The following ADPRHL1 variants were observed in gnomAD, a reference collection of about 807,000 sequenced individuals.
ADPRHL1 encodes inactive ADP-ribosyltransferase ARH2.
ADPRHL1 carries 43 observed loss-of-function variants against 44.1 expected under a neutral mutation model. That is an observed-to-expected ratio of 0.98 (90% CI 0.76 to 1.26). ADPRHL1 has a LOEUF of 1.26. Among genes scored for constraint, ADPRHL1 ranks in the 50% most tolerant of loss-of-function variants. The probability of loss-of-function intolerance (pLI) is 0.00; values close to 1 mark genes in which losing one functional copy is unlikely to be tolerated. For synonymous variants in ADPRHL1, 878 were observed against 1,017.4 expected (o/e 0.86, Z 2.61); for missense variants, 2,022 against 2,496.9 (o/e 0.81, Z 4.05).
intron 2 of ADPRHL1, among the ~76,000 whole-genome samples, chr13:113,438,689 A>T (rs2044077940): frequency 1.3e-5 from 2 of 152,106 alleles, no homozygotes; most frequent in Admixed American, 6.6e-5. Context: ...CTCAAAAAAA[A>T]AATTTCTTTT....
rs79419897 is a variant in ADPRHL1 at position 113,442,672 on chromosome 13, C to G, written c.379+1753G>C. ...AGCAATCTAACTACTGTGTGCCTTG[C>G]TGTCATTTTCTTCATGTTTCTTGTG... On this transcript the variant is annotated intron_variant, in intron 2 of 7. Transcript: ENST00000612156. Among the ~76,000 whole-genome samples, 111 of 152,234 alleles carry G rather than the reference C, an allele frequency of 7.3e-4. 1 individual carries two copies. In the East Asian group the frequency reaches 0.019, roughly 26 times the overall value.
intron 6 of ADPRHL1, among the ~76,000 whole-genome samples, chr13:113,423,956 T>C (rs1231263818): frequency 1.3e-5 from 2 of 152,206 alleles, no homozygotes; most frequent in Non-Finnish European, 2.9e-5. Flanking sequence ...TGAGAGACTC[T>C]TGGTCTGCTG....
intron 1 of ADPRHL1, among the ~76,000 whole-genome samples, chr13:113,446,369 A>G (rs1387472017): frequency 2.8e-4 from 42 of 152,108 alleles, no homozygotes. Flanking sequence ...CCCCCGGAGA[A>G]GTGCTCAGGA....
chr13:113,424,153 A>AG, intron 6 of ADPRHL1, 64 bp downstream of exon 6: 1 of 1,597,076 alleles, frequency 6.3e-7, no homozygotes, highest in Middle Eastern at 1.7e-4. Flanking sequence ...GGACACTCCG[A>AG]GGGGGTGCTT....
intron 1 of ADPRHL1, among the ~76,000 whole-genome samples, chr13:113,451,054 C>T (rs1056098552): frequency 4.6e-5 from 7 of 152,210 alleles, no homozygotes; most frequent in South Asian, 2.1e-4. Flanking sequence ...TCTTCCCAGA[C>T]GCTGGCGTCA....
At chr13:113,423,064 G>A (rs2043938511) in intron 6 of ADPRHL1, 85 bp from the exon 7 acceptor site, 2 of 1,566,160 alleles carry the variant, frequency 1.3e-6, no homozygotes, top group Non-Finnish European at 1.7e-6. Flanking sequence ...CCCTAAGGTG[G>A]GCCAAACCCC....
intron 7 of ADPRHL1, among the ~76,000 whole-genome samples, chr13:113,420,649 G>C (rs1228911007): frequency 6.6e-6 from 1 of 152,024 alleles, no homozygotes; most frequent in Non-Finnish European, 1.5e-5. Flanking sequence ...CCGTGTGCCT[G>C]TCTCTCTGGT....
chr13:113,446,429 A>G (rs1260932559), intron 1 of ADPRHL1, among the ~76,000 whole-genome samples: 2 of 152,194 alleles, frequency 1.3e-5, no homozygotes, highest in East Asian at 3.9e-4. Context: ...GACCCGGCCC[A>G]GCAGAGGCCT....
Position 113,407,084 on chromosome 13 carries a change from CA to C in ADPRHL1, c.2197del (p.Trp733GlyfsTer26). Reference sequence around the variant, plus strand: ...ATCACCTCCGGCTGATCCGGTGCCCCAAGGGCTGGCCGGTCCCAGTGGGGAT... The same window carrying C: ...ATCACCTCCGGCTGATCCGGTGCCCCAGGGCTGGCCGGTCCCAGTGGGGAT... ...ASSPLGPASP[W>X]GTGSAGGDGT... On this transcript the variant is annotated frameshift_variant, in exon 8 of 8. Transcript: ENST00000612156. LOFTEE classifies it low-confidence loss of function (END_TRUNC). 1 of 1,232,300 alleles carries C rather than the reference CA, an allele frequency of 8.1e-7. No homozygotes were observed. Among genetic ancestry groups the C allele is most frequent in the East Asian group, 3.2e-5 (1 of 31,696 alleles). 76.3% of individuals were successfully genotyped at this position (1,232,300 alleles called of 1,614,324 possible).
At chr13:113,446,760 C>T (rs1374843252) in intron 1 of ADPRHL1, among the ~76,000 whole-genome samples, 1 of 151,980 alleles carries the variant, frequency 6.6e-6, no homozygotes, top group Admixed American at 6.5e-5. Context: ...TGTTTACATG[C>T]ACCGTGTTGT....
At chr13:113,412,654 G>A (rs531817728) in intron 7 of ADPRHL1, among the ~76,000 whole-genome samples, 2 of 152,314 alleles carry the variant, frequency 1.3e-5, no homozygotes, top group Admixed American at 6.5e-5. Context: ...CAGAAGACCC[G>A]TGGGTGGCGA....
chr13:113,416,648 C>T lies in ADPRHL1; in HGVS notation c.1061+6178G>A, dbSNP rs773650381. ...CAAACATATAGATTATAAAGGAAAC[C>T]GATGAAGCAGTAGGCACAATTTCTA... On this transcript the variant is annotated intron_variant, in intron 7 of 7. Transcript: ENST00000612156. 3.9e-5 allele frequency among the ~76,000 whole-genome samples: 6 copies of T among 152,116 alleles called. No homozygotes were observed. In the South Asian group the frequency reaches 6.2e-4, roughly 16 times the overall value.
intron 1 of ADPRHL1, among the ~76,000 whole-genome samples, chr13:113,445,006 G>A (rs1453046168): frequency 2.0e-5 from 3 of 152,294 alleles, no homozygotes; most frequent in East Asian, 1.9e-4. Flanking sequence ...TTGTGACGCC[G>A]ATGGTGGAGG....
intron 7 of ADPRHL1, among the ~76,000 whole-genome samples, chr13:113,413,635 G>C (rs1263867499): frequency 6.6e-6 from 1 of 152,248 alleles, no homozygotes; most frequent in Non-Finnish European, 1.5e-5. Flanking sequence ...ATGCGCTGGA[G>C]CCAGTGCTGC....
At position 113,445,557 on chromosome 13, in the gene ADPRHL1, G is replaced by A. The variant is rs138128621; in HGVS notation, c.215-968C>T. Among the ~76,000 whole-genome samples, 8 of 152,316 alleles carry A rather than the reference G, an allele frequency of 5.3e-5. No individual in the cohort carries two copies. The East Asian group carries it at 1.4e-3, about 26-fold the overall frequency. ...CACTCTGGGCTTGCGGGTCAGCCCC[G>A]GGAGACGCCACTGCTCCCTTTTCCT... On this transcript the variant is annotated intron_variant, in intron 1 of 7. Transcript: ENST00000612156.
Position 113,441,084 on chromosome 13 carries a change from T to A in ADPRHL1, c.379+3341A>T, listed in dbSNP as rs772561017. Among the ~76,000 whole-genome samples the A allele has an allele frequency of 5.9e-5, 9 of 152,044 alleles. No homozygotes were observed. The highest frequency in any genetic ancestry group is 1.2e-4 in the Non-Finnish European group (8 of 68,010). ...AGGAGAATCAGCTGAACCCGGGAAG[T>A]AGAGGTTGCAGTGAGCCAAAATTGC... On this transcript the variant is annotated intron_variant, in intron 2 of 7. Transcript: ENST00000612156. The surrounding 1 kb of genome is among the most constrained non-coding windows in gnomAD (Gnocchi z 6.0).
Position 113,400,302 on chromosome 13 carries a change from C to CA in ADPRHL1, c.*3075_*3076insT, listed in dbSNP as rs1452834773. 4 of 151,188 alleles carry CA rather than the reference C, an allele frequency of 2.6e-5. No homozygotes were observed. The highest frequency in any genetic ancestry group is 9.7e-5 in the African/African-American group (4 of 41,208). 9.4% of individuals were successfully genotyped at this position (151,188 alleles called of 1,614,324 possible). A position where few individuals can be genotyped will look rare whatever the true frequency, so the allele number is the denominator to read the frequency against. On this transcript the variant is annotated 3_prime_UTR_variant, in exon 8 of 8. Transcript: ENST00000612156. The stretch of plus-strand genomic sequence containing the variant: ...CTGGGACTACAGGCACCCACCACCA[C>CA]GCCCGGCTAATTTTTGTATTTTTAG...
intron 5 of ADPRHL1, 109 bp downstream of exon 5, chr13:113,424,935 CATCCATCT>C: frequency 7.8e-7 from 1 of 1,274,210 alleles, no homozygotes; most frequent in Admixed American, 2.0e-5. Context: ...TCCATCTATC[CATCCATCT>C]ATCCATCCAT....
intron 7 of ADPRHL1, among the ~76,000 whole-genome samples, chr13:113,420,317 C>A (rs576998004): frequency 2.0e-5 from 3 of 152,226 alleles, no homozygotes; most frequent in African/African-American, 7.2e-5. Flanking sequence ...AATCTATAAT[C>A]AGTTTGTAAA....
Sources: allele counts gnomAD v4.1 joint callset (sites outside exome capture counted in the v4.1 genomes callset), GRCh38; gene constraint gnomAD v4.1.1; non-coding constraint Gnocchi (gnomAD v3.1); transcripts MANE v1.5; gene names NCBI Gene and HGNC (gene_info 2026-07-23, HGNC 2026-07-21).